Variants in CISD2 observed in about 807,000 individuals in gnomAD.
CISD2 encodes the protein CDGSH iron sulfur domain 2, also known as CDGSH iron-sulfur domain-containing protein 2.
CISD2 carries 1 observed loss-of-function variant against 12.9 expected under a neutral mutation model. That is an observed-to-expected ratio of 0.08 (90% confidence interval 0.03 to 0.37). CISD2 has a LOEUF of 0.37. CISD2 is among the 10% of genes least tolerant of loss of function. The pLI is 0.99. For synonymous variants in CISD2, 50 were observed against 60.6 expected, an observed-to-expected ratio of 0.83 and a Z score of 0.81; for missense variants, 97 against 163.1, an observed-to-expected ratio of 0.59 and a Z score of 2.21.
At position 102,887,452 on chromosome 4, in the gene CISD2, A is replaced by G; in HGVS notation, c.*22A>G. ...ATAATAATAATAACAATATTTTCTC[A>G]TTCTTTGTGTATAGAAAATTTTAAA... On this transcript the variant is annotated 3_prime_UTR_variant, in exon 3 of 3. Coordinates refer to ENST00000273986, the MANE Select transcript of CISD2 (RefSeq NM_001008388.5). 1 of 930,988 alleles carries G rather than the reference A, an allele frequency of 1.1e-6. No homozygotes were observed. The highest frequency in any genetic ancestry group is 1.7e-6 in the Non-Finnish European group (1 of 582,748). 57.7% of individuals were successfully genotyped at this position (930,988 alleles called of 1,614,324 possible). A position where few individuals can be genotyped will look rare whatever the true frequency, so the allele number is the denominator to read the frequency against.
chr4:102,886,632 G>A (rs560574796), intron 2 of CISD2, among the ~76,000 whole-genome samples: 2 of 151,420 alleles, frequency 1.3e-5, no homozygotes, highest in African/African-American at 4.9e-5. Context: ...TTATTTTTGC[G>A]GGGGACAGAG....
intron 1 of CISD2, among the ~76,000 whole-genome samples, chr4:102,884,520 T>C (rs1733811908): frequency 2.0e-5 from 3 of 152,226 alleles, no homozygotes; most frequent in Admixed American, 2.0e-4. Context: ...TTATCTTGGT[T>C]TCCTGGTATT....
At position 102,888,917 on chromosome 4, in the gene CISD2, T is replaced by G. The variant is rs898580126; in HGVS notation, c.*1487T>G. On this transcript the variant is annotated 3_prime_UTR_variant, in exon 3 of 3. Coordinates refer to ENST00000273986, the MANE Select transcript of CISD2 (RefSeq NM_001008388.5). ...ATACAAAAGCTTTTCTTTAGTCTAT[T>G]TAAGATACAGTTTATTCAGTTCACT... 1 of 152,260 alleles carries G rather than the reference T, an allele frequency of 6.6e-6. No individual in the cohort carries two copies. Among genetic ancestry groups the G allele is most frequent in the African/African-American group, 2.4e-5 (1 of 41,468 alleles). The allele number at this position is 152,260 out of a possible 1,614,324, so 9.4% of individuals were successfully genotyped here.
chr4:102,870,137 T>A (rs1733394472), intron 1 of CISD2, among the ~76,000 whole-genome samples: 2 of 152,218 alleles, frequency 1.3e-5, no homozygotes, highest in Non-Finnish European at 2.9e-5. Context: ...GTAAATAGGG[T>A]TGCTTCGCCG....
Position 102,871,334 on chromosome 4 carries a change from A to G in CISD2, c.103+2147A>G, listed in dbSNP as rs1008366578. On this transcript the variant is annotated intron_variant, in intron 1 of 2. Coordinates refer to ENST00000273986, the MANE Select transcript of CISD2 (RefSeq NM_001008388.5). ...AACCAAAACCTTTTCTCTCTTAAGA[A>G]TATATAGTAACTTCCTCTTAAAAGT... Among the ~76,000 whole-genome samples the G allele has an allele frequency of 1.3e-5, 2 of 152,326 alleles. 1 individual carries two copies. Among genetic ancestry groups the G allele is most frequent in the Admixed American group, 1.3e-4 (2 of 15,304 alleles).
chr4:102,883,944 A>G (rs1208066367), intron 1 of CISD2, among the ~76,000 whole-genome samples: 3 of 152,242 alleles, frequency 2.0e-5, no homozygotes, highest in Admixed American at 6.5e-5. Flanking sequence ...GGTGCTATCT[A>G]TGAAAATGGT....
At chr4:102,881,128 TAA>T (rs1733710820) in intron 1 of CISD2, among the ~76,000 whole-genome samples, 1 of 152,230 alleles carries the variant, frequency 6.6e-6, no homozygotes, top group Non-Finnish European at 1.5e-5. Flanking sequence ...AAATTTTTTT[TAA>T]GTTTCTTGTT....
At chr4:102,877,718 T>A (rs557852493) in intron 1 of CISD2, among the ~76,000 whole-genome samples, 1 of 152,218 alleles carries the variant, frequency 6.6e-6, no homozygotes, top group African/African-American at 2.4e-5. Flanking sequence ...TGCCTGGACA[T>A]CCAGGTGTTT....
At chr4:102,882,973 C>T (rs1733760231) in intron 1 of CISD2, 1 of 152,184 alleles carries the variant, frequency 6.6e-6, no homozygotes, top group African/African-American at 2.4e-5. Flanking sequence ...GTCTTGAACT[C>T]CTAACCTCGT....
intron 1 of CISD2, among the ~76,000 whole-genome samples, chr4:102,881,658 GTAGT>G (rs1733723773): frequency 6.6e-6 from 1 of 152,176 alleles, no homozygotes; most frequent in African/African-American, 2.4e-5. Context: ...AAGTTTTTCA[GTAGT>G]TAAATTGTAG....
At position 102,878,843 on chromosome 4, in the gene CISD2, C is replaced by G. The variant is rs186396227; in HGVS notation, c.104-6373C>G. Among the ~76,000 whole-genome samples, 28 of 152,274 alleles carry G rather than the reference C, an allele frequency of 1.8e-4. No homozygotes were observed. The East Asian group carries it at 5.0e-3, about 27-fold the overall frequency. On this transcript the variant is annotated intron_variant, in intron 1 of 2. Transcript: ENST00000273986. ...TATCTTTATAGCAGTACCCAACTCT[C>G]TGTTGTAGCAATTTACTGTATTAGC...
intron 1 of CISD2, among the ~76,000 whole-genome samples, chr4:102,884,732 A>C (rs981710915): frequency 6.6e-6 from 1 of 152,216 alleles, no homozygotes; most frequent in African/African-American, 2.4e-5. Flanking sequence ...TTCTTTAGCA[A>C]CATTTACCAA....
intron 1 of CISD2, among the ~76,000 whole-genome samples, chr4:102,876,851 G>A (rs1466516942): frequency 6.6e-6 from 1 of 152,126 alleles, no homozygotes; most frequent in Non-Finnish European, 1.5e-5. Flanking sequence ...GGAAACTTAC[G>A]GTCATGGTAG....
At chr4:102,885,157 A>T (rs1008100897) in intron 1 of CISD2, 59 bp from the exon 2 acceptor site, 1 of 1,294,052 alleles carries the variant, frequency 7.7e-7, no homozygotes, top group Non-Finnish European at 1.1e-6. Context: ...GAAACTAGAC[A>T]TGCTATTTTG....
intron 1 of CISD2, among the ~76,000 whole-genome samples, chr4:102,875,989 C>A (rs1273674518): frequency 6.6e-6 from 1 of 152,192 alleles, no homozygotes; most frequent in Admixed American, 6.5e-5. Context: ...CCTAAAATTG[C>A]AGCCACCCTA....
In CISD2 at chr4:102,869,123, G is replaced by A. The variant is rs1385865516; in HGVS notation, c.39G>A (p.Gln13=). ...GCGTGGCCCGTATCGTGAAGGTGCA[G>A]CTCCCTGCATATCTGAAGCGGCTCC... ...LESVARIVKV[Q]LPAYLKRLPV... The change falls in exon 1 of 3, where the codon CAG becomes CAA. Residue 13 remains glutamine, a synonymous_variant. Coordinates refer to ENST00000273986, the MANE Select transcript of CISD2 (RefSeq NM_001008388.5). The A allele has an allele frequency of 1.2e-6, 2 of 1,612,868 alleles. No homozygotes were observed. The highest frequency in any genetic ancestry group is 8.5e-7 in the Non-Finnish European group (1 of 1,179,616).
chr4:102,869,266 A>T (rs531238464), intron 1 of CISD2, 79 bp downstream of exon 1: 1 of 1,528,672 alleles, frequency 6.5e-7, no homozygotes, highest in East Asian at 2.4e-5. Context: ...TCCTAGGGCC[A>T]AGGGGCGGGA....
chr4:102,878,480 A>G (rs973104555), intron 1 of CISD2, among the ~76,000 whole-genome samples: 1 of 152,146 alleles, frequency 6.6e-6, no homozygotes, highest in African/African-American at 2.4e-5. Context: ...CCAAACTTTT[A>G]TGCTCTGCTT....
At chr4:102,886,584 A>G (rs1366680791) in intron 2 of CISD2, among the ~76,000 whole-genome samples, 2 of 152,140 alleles carry the variant, frequency 1.3e-5, no homozygotes, top group Non-Finnish European at 2.9e-5. Flanking sequence ...ATGGGTTATG[A>G]GTGAATTTTT....
Sources: allele counts gnomAD v4.1 joint callset (sites outside exome capture counted in the v4.1 genomes callset), GRCh38; gene constraint gnomAD v4.1.1; transcripts MANE v1.5; gene names NCBI Gene and HGNC (gene_info 2026-07-23, HGNC 2026-07-21).